PLCG1: variants seen among roughly 807,000 people sequenced by gnomAD.
The protein encoded by PLCG1 is phospholipase C gamma 1.
In PLCG1, 71 loss-of-function variants were observed where a neutral mutation model predicts 177.8. The ratio of observed to expected loss-of-function variants is 0.40; its 90% CI spans 0.33 to 0.49. The LOEUF is 0.49. PLCG1 is among the 20% of genes least tolerant of loss of function. The probability of loss-of-function intolerance (pLI) is 0.72; values close to 1 mark genes in which losing one functional copy is unlikely to be tolerated. For missense variants in PLCG1, 1,281 were observed against 1,709.0 expected, an observed-to-expected ratio of 0.75 and a Z score of 4.42; for synonymous variants, 658 against 647.9, an observed-to-expected ratio of 1.02 and a Z score of -0.24.
At chr20:41,168,743 G>T in intron 20 of PLCG1, 24 bp from the exon 21 acceptor site, 1 of 1,468,342 alleles carries the variant, frequency 6.8e-7, no homozygotes, top group South Asian at 1.2e-5. Flanking sequence ...TTTCTGCTCT[G>T]ACTGGTGCTT....
chr20:41,173,900 G>A lies in PLCG1; in HGVS notation c.3557-23G>A. The stretch of plus-strand genomic sequence containing the variant: ...CTTGCTCTGTCCCTCGTGGGCTGAG[G>A]GCCAGGCTTTTCCTCCTCCTAGGAT... On this transcript the variant is annotated intron_variant, in intron 29 of 31. Transcript: ENST00000685551. The surrounding 1 kb of genome is among the most constrained non-coding windows in gnomAD (Gnocchi z 6.2). 6.2e-7 allele frequency: 1 copy of A among 1,613,096 alleles called. No homozygotes were observed. Among genetic ancestry groups the A allele is most frequent in the Admixed American group, 1.7e-5 (1 of 60,000 alleles).
chr20:41,166,704 C>G lies in PLCG1; in HGVS notation c.2146C>G (p.Arg716Gly). Residue 716 changes from arginine (R) to glycine (G), a missense_variant, in exon 19 of 32, where the codon CGT (arginine) becomes GGT (glycine). This residue lies in a region of PLCG1 where 723 missense variants were observed against 1,030.0 expected (regional missense o/e 0.70). Transcript: ENST00000685551. The surrounding 1 kb of genome is among the most constrained non-coding windows in gnomAD (Gnocchi z 8.6). ...FRAEGKIKHCRVQQEGQTVML... is the reference protein window; with the variant it reads ...FRAEGKIKHCGVQQEGQTVML... ...GGCTGAGGGCAAGATCAAGCATTGC[C>G]GTGTCCAGCAAGAGGGCCAGACAGT... The G allele has an allele frequency of 6.2e-7, 1 of 1,614,136 alleles. No individual in the cohort carries two copies. Among genetic ancestry groups the G allele is most frequent in the Non-Finnish European group, 8.5e-7 (1 of 1,180,018 alleles).
In PLCG1 at chr20:41,163,684, T is replaced by A; in HGVS notation, c.892-31T>A. 1 of 1,445,930 alleles carries A rather than the reference T, an allele frequency of 6.9e-7. No individual in the cohort carries two copies. The allele number at this position is 1,445,930 out of a possible 1,614,324, so 89.6% of individuals were successfully genotyped here. A position where few individuals can be genotyped will look rare whatever the true frequency, so the allele number is the denominator to read the frequency against. The stretch of plus-strand genomic sequence containing the variant: ...TGGGTTGGACAGGGCAGGGACTCAC[T>A]GTCTCTTCCCTTCCACATGTTTCTG... On this transcript the variant is annotated intron_variant, in intron 9 of 31. Transcript: ENST00000685551. The surrounding 1 kb of genome is among the most constrained non-coding windows in gnomAD (Gnocchi z 5.2).
In PLCG1 at chr20:41,170,056, G is replaced by A. The variant is rs956679253; in HGVS notation, c.2651-56G>A. 10 of 1,488,738 alleles carry A rather than the reference G, an allele frequency of 6.7e-6. No individual in the cohort carries two copies. In the South Asian group the frequency reaches 1.2e-4, roughly 19 times the overall value. The allele number at this position is 1,488,738 out of a possible 1,614,324, so 92.2% of individuals were successfully genotyped here. ...TGAGCCAGTGCCTGCGGTGTGGAGT[G>A]GGGTGGAGGGGGTGAGATGTCTATT... On this transcript the variant is annotated intron_variant, in intron 23 of 31. Coordinates refer to ENST00000685551, the MANE Select transcript of PLCG1 (RefSeq NM_002660.3).
chr20:41,171,586 C>CAAA (rs71844995), intron 24 of PLCG1, among the ~76,000 whole-genome samples: 1,656 of 64,024 alleles, frequency 0.026, 65 homozygotes, highest in Non-Finnish European at 0.039. Flanking sequence ...GACTCTGTCT[C>CAAA]AAAAAAAAAA....
Position 41,172,967 on chromosome 20 carries a change from T to C in PLCG1, c.3279+90T>C, listed in dbSNP as rs2035950449. The stretch of plus-strand genomic sequence containing the variant: ...GTTGAGTTCTCCAAAAGTAGGTATT[T>C]TCAGGCATCAAGGTGGTCAGGGTGG... On this transcript the variant is annotated intron_variant, in intron 27 of 31. Coordinates refer to ENST00000685551, the MANE Select transcript of PLCG1 (RefSeq NM_002660.3). This position sits in a 1 kb window ranked among gnomAD's most constrained non-coding sequence, Gnocchi z 7.0. 1.4e-6 allele frequency: 2 copies of C among 1,411,106 alleles called. No homozygotes were observed. Among genetic ancestry groups the C allele is most frequent in the East Asian group, 4.9e-5 (2 of 41,220 alleles). 87.4% of individuals were successfully genotyped at this position (1,411,106 alleles called of 1,614,324 possible). A position where few individuals can be genotyped will look rare whatever the true frequency, so the allele number is the denominator to read the frequency against.
chr20:41,162,242 T>G (rs1600658314), intron 4 of PLCG1: 17 of 294,414 alleles, frequency 5.8e-5, no homozygotes, highest in South Asian at 1.7e-4. Context: ...TTTGTTTTTT[T>G]TTTTTTTTTT....
At position 41,151,361 on chromosome 20, in the gene PLCG1, T is replaced by A. The variant is rs578255845; in HGVS notation, c.218-8245T>A. 6.6e-6 allele frequency among the ~76,000 whole-genome samples: 1 copy of A among 152,330 alleles called. No homozygotes were observed. The highest frequency in any genetic ancestry group is 2.4e-5 in the African/African-American group (1 of 41,580). ...GTTTCCTCATTGTTTCAAAGAGATT[T>A]GTCTAGAATCTAGACCAAGCTTGTC... On this transcript the variant is annotated intron_variant, in intron 1 of 31. Transcript: ENST00000685551. This position sits in a 1 kb window ranked among gnomAD's most constrained non-coding sequence, Gnocchi z 5.5.
chr20:41,170,213 G>T lies in PLCG1; in HGVS notation c.2752G>T (p.Glu918Ter), dbSNP rs773195630. The T allele has an allele frequency of 3.7e-6, 6 of 1,614,012 alleles. No homozygotes were observed. The African/African-American group carries it at 6.7e-5, about 18-fold the overall frequency. Residue 918 changes from glutamate (E) to a stop codon, truncating the protein, a stop_gained, in exon 24 of 32, where the codon GAG (glutamate) becomes TAG (stop). Transcript: ENST00000685551. LOFTEE classifies it high-confidence loss of function. ...GGATGTTGCTGCCGACTCACAGGAG[G>T]AGCTGCAGGACTGGGTGAAAAAGAT... ...SLDVAADSQE[E>*]LQDWVKKIRE...
At chr20:41,162,287 G>A (rs1184466632) in intron 4 of PLCG1, 165 bp from the exon 5 acceptor site, 5 of 249,608 alleles carry the variant, frequency 2.0e-5, no homozygotes, top group Non-Finnish European at 3.0e-5. Flanking sequence ...CCAAAGAAAG[G>A]AAGGGACTAA....
At position 41,165,981 on chromosome 20, in the gene PLCG1, C is replaced by T. The variant is rs1180498558; in HGVS notation, c.1799+155C>T. 1.4e-6 allele frequency: 1 copy of T among 710,058 alleles called. No individual in the cohort carries two copies. The highest frequency in any genetic ancestry group is 2.3e-6 in the Non-Finnish European group (1 of 436,628). 44.0% of individuals were successfully genotyped at this position (710,058 alleles called of 1,614,324 possible). A position where few individuals can be genotyped will look rare whatever the true frequency, so the allele number is the denominator to read the frequency against. On this transcript the variant is annotated intron_variant, in intron 16 of 31. Coordinates refer to ENST00000685551, the MANE Select transcript of PLCG1 (RefSeq NM_002660.3). This position sits in a 1 kb window ranked among gnomAD's most constrained non-coding sequence, Gnocchi z 6.6. ...TTTCACCTACATACACACACACACTCTCTGTCTCACCCCCCCCCCATACCC... is the reference window on the plus strand; with the variant it reads ...TTTCACCTACATACACACACACACTTTCTGTCTCACCCCCCCCCCATACCC...
rs1325190866 is a variant in PLCG1, at chr20:41,157,255, C to G, written c.218-2351C>G. Among the ~76,000 whole-genome samples, 2 of 139,724 alleles carry G rather than the reference C, an allele frequency of 1.4e-5. No individual in the cohort carries two copies. Among genetic ancestry groups the G allele is most frequent in the African/African-American group, 6.2e-5 (2 of 32,242 alleles). 91.7% of individuals were successfully genotyped at this position (139,724 alleles called of 152,430 possible). On this transcript the variant is annotated intron_variant, in intron 1 of 31. Transcript: ENST00000685551. The surrounding 1 kb of genome is among the most constrained non-coding windows in gnomAD (Gnocchi z 5.4). ...GTGTGTGTGTGTACAGTCACACTCACCTTTGCAAGAAGGTGTGGGAGGGGG... is the reference window on the plus strand; with the variant it reads ...GTGTGTGTGTGTACAGTCACACTCAGCTTTGCAAGAAGGTGTGGGAGGGGG...
rs1383611478 is a variant in PLCG1, at chr20:41,162,978, A to T, written c.702A>T (p.Glu234Asp). Residue 234 changes from glutamate (E) to aspartate (D), a missense_variant, in exon 7 of 32, where the codon GAA (glutamate) becomes GAT (aspartate). Transcript: ENST00000685551. ...TGCAGATGGACCTCCCCTTCTTGGA[A>T]GCCAGTACTCTGAGGTTTGGTTTGG... Reference protein sequence around the residue: ...AQKTMDLPFLEASTLRAGERP... With the variant: ...AQKTMDLPFLDASTLRAGERP... 1.2e-6 allele frequency: 2 copies of T among 1,613,996 alleles called. No homozygotes were observed.
Position 41,160,445 on chromosome 20 carries a change from G to C in PLCG1, c.512+292G>C, listed in dbSNP as rs1299530949. Among the ~76,000 whole-genome samples the C allele has an allele frequency of 1.3e-5, 2 of 152,244 alleles. No homozygotes were observed. The highest frequency in any genetic ancestry group is 2.9e-5 in the Non-Finnish European group (2 of 68,040). On this transcript the variant is annotated intron_variant, in intron 4 of 31. Transcript: ENST00000685551. The surrounding 1 kb of genome is among the most constrained non-coding windows in gnomAD (Gnocchi z 5.5). ...GTCCTGGAGGTGAGGGTGGCCAGTA[G>C]CGTGTGAAGGGTGCCCTGAAACTCT... is the stretch of plus-strand genomic sequence containing the variant.
At chr20:41,138,065 C>T (rs1041856015) in intron 1 of PLCG1, 2 of 384,202 alleles carry the variant, frequency 5.2e-6, no homozygotes, top group Middle Eastern at 6.5e-4. Context: ...GACAGGACAC[C>T]CCCCCTCCCC....
At chr20:41,161,621 C>G (rs2035499137) in intron 4 of PLCG1, among the ~76,000 whole-genome samples, 1 of 152,122 alleles carries the variant, frequency 6.6e-6, no homozygotes, top group Non-Finnish European at 1.5e-5. Context: ...CCTCCCTCCG[C>G]AGTGCTTGAT....
intron 1 of PLCG1, among the ~76,000 whole-genome samples, chr20:41,143,403 T>G (rs2034893683): frequency 6.6e-6 from 1 of 152,286 alleles, no homozygotes. Flanking sequence ...TTTCCCCCTT[T>G]CCACTTGCTT....
chr20:41,148,041 C>T lies in PLCG1; in HGVS notation c.217+10183C>T, dbSNP rs903997123. 2.0e-5 allele frequency among the ~76,000 whole-genome samples: 3 copies of T among 152,042 alleles called. No individual in the cohort carries two copies. Among genetic ancestry groups the T allele is most frequent in the African/African-American group, 7.2e-5 (3 of 41,382 alleles). On this transcript the variant is annotated intron_variant, in intron 1 of 31. Transcript: ENST00000685551. The surrounding 1 kb of genome is among the most constrained non-coding windows in gnomAD (Gnocchi z 4.3). ...AAGGGAGTGCAGCCAGATGCTGTGG[C>T]GGCTGGGTCAAGTAGCTCTAAAACA... is the stretch of plus-strand genomic sequence containing the variant.
At position 41,165,818 on chromosome 20, in the gene PLCG1, C is replaced by T. The variant is rs555840839; in HGVS notation, c.1791C>T (p.Leu597=). 1.3e-6 allele frequency: 2 copies of T among 1,582,492 alleles called. No homozygotes were observed. Among genetic ancestry groups the T allele is most frequent in the Admixed American group, 1.8e-5 (1 of 57,114 alleles). Residue 597 remains leucine (L), a synonymous_variant, in exon 16 of 32, where the codon CTC becomes CTT. Coordinates refer to ENST00000685551, the MANE Select transcript of PLCG1 (RefSeq NM_002660.3). This position sits in a 1 kb window ranked among gnomAD's most constrained non-coding sequence, Gnocchi z 6.6. ...ESETFVGDYT[L]SFWRNGKVQH... ...AGACCTTCGTGGGCGACTACACGCT[C>T]TCTTTCTGGTAACACTTCCCATGCA...
Sources: gnomAD v4.1 joint callset for allele counts (sites outside exome capture counted in the v4.1 genomes callset) on GRCh38, gnomAD v4.1.1 for gene constraint, gnomAD v4.1.1 regional missense constraint, Gnocchi (gnomAD v3.1) non-coding constraint, MANE v1.5 for transcripts, NCBI Gene and HGNC (gene_info 2026-07-23, HGNC 2026-07-21) for gene names.